The following METTL8 variants were observed in gnomAD, a reference collection of about 807,000 sequenced individuals.
METTL8 encodes methyltransferase 8, tRNA N3-cytidine.
METTL8 carries 32 observed loss-of-function variants against 48.7 expected under a neutral mutation model. That is an observed-to-expected ratio of 0.66 (90% CI 0.50 to 0.88). The LOEUF (loss-of-function observed/expected upper bound fraction) is 0.88. Ranked by LOEUF, METTL8 falls within the 40% of genes least tolerant of loss-of-function variation. The pLI, the probability that METTL8 is intolerant of heterozygous loss-of-function variation, is 0.00. For synonymous variants in METTL8, 136 were observed against 157.1 expected, an observed-to-expected ratio of 0.87 and a Z score of 1.01; for missense variants, 464 against 474.4, an observed-to-expected ratio of 0.98 and a Z score of 0.20.
chr2:171,414,048 A>G (rs925826005), intron 1 of METTL8, among the ~76,000 whole-genome samples: 3 of 152,228 alleles, frequency 2.0e-5, no homozygotes, highest in African/African-American at 7.2e-5. Flanking sequence ...GAAAAACTAC[A>G]ATACAAATAT....
chr2:171,345,330 GATT>G (rs1687162349), intron 3 of METTL8, among the ~76,000 whole-genome samples: 1 of 151,964 alleles, frequency 6.6e-6, no homozygotes, highest in African/African-American at 2.4e-5. Context: ...TATATAATAT[GATT>G]AATATGAATT....
chr2:171,358,250 C>T (rs1280433432), intron 3 of METTL8, among the ~76,000 whole-genome samples: 1 of 151,428 alleles, frequency 6.6e-6, no homozygotes. Context: ...AATCAGGAGG[C>T]TGAGACAGGA....
chr2:171,328,860 T>C (rs1685226676), intron 7 of METTL8, among the ~76,000 whole-genome samples: 1 of 151,902 alleles, frequency 6.6e-6, no homozygotes, highest in South Asian at 2.1e-4. Flanking sequence ...CAGGTGATTT[T>C]GTATTTTTGG....
At chr2:171,400,298 A>G (rs571448494) in intron 1 of METTL8, among the ~76,000 whole-genome samples, 1 of 152,254 alleles carries the variant, frequency 6.6e-6, no homozygotes, top group Non-Finnish European at 1.5e-5. Flanking sequence ...TGCTTTTTTG[A>G]ACAGCATTAT....
At chr2:171,367,212 C>G (rs1423926437) in intron 2 of METTL8, among the ~76,000 whole-genome samples, 2 of 151,850 alleles carry the variant, frequency 1.3e-5, no homozygotes, top group African/African-American at 4.8e-5. Context: ...GGAAACACAG[C>G]AAACCCCAGG....
intron 1 of METTL8, among the ~76,000 whole-genome samples, chr2:171,398,002 T>A (rs1447068934): frequency 2.0e-5 from 3 of 152,132 alleles, no homozygotes; most frequent in Admixed American, 6.6e-5. Flanking sequence ...TTGGTGAGGA[T>A]GTGGAGAAAT....
intron 3 of METTL8, among the ~76,000 whole-genome samples, chr2:171,359,676 G>T (rs1347536955): frequency 6.7e-6 from 1 of 149,584 alleles, no homozygotes; most frequent in Non-Finnish European, 1.5e-5. Context: ...ACAGTGGTGT[G>T]ATCTCGGCTC....
At chr2:171,423,821 C>A (rs1305780435) in intron 1 of METTL8, among the ~76,000 whole-genome samples, 1 of 152,188 alleles carries the variant, frequency 6.6e-6, no homozygotes, top group African/African-American at 2.4e-5. Context: ...AAGCGAGCTG[C>A]AGAAATTTGC....
At chr2:171,370,473 G>A (rs1686206828) in intron 2 of METTL8, among the ~76,000 whole-genome samples, 1 of 151,954 alleles carries the variant, frequency 6.6e-6, no homozygotes. Context: ...CTCTCCTTTG[G>A]TTTTTGTATT....
intron 3 of METTL8, among the ~76,000 whole-genome samples, chr2:171,355,286 T>G (rs1237886685): frequency 1.3e-5 from 2 of 152,158 alleles, no homozygotes; most frequent in East Asian, 3.9e-4. Flanking sequence ...GAACAGCAAA[T>G]ATTGCAGAAC....
intron 1 of METTL8, among the ~76,000 whole-genome samples, chr2:171,419,711 ACT>A (rs1691685063): frequency 6.6e-6 from 1 of 151,718 alleles, no homozygotes; most frequent in Non-Finnish European, 1.5e-5. Context: ...TTATTTTGTC[ACT>A]CTGCATTCCA....
rs62181343 is a variant in METTL8 at position 171,343,300 on chromosome 2, G to A, written c.236-3746C>T. Among the ~76,000 whole-genome samples the A allele has an allele frequency of 4.8e-3, 724 of 152,086 alleles. 3 individuals are homozygous for A. The highest frequency in any genetic ancestry group is 8.1e-3 in the Non-Finnish European group (550 of 67,948). ...ACTAAAACTACAAAATTAGCCGGGT[G>A]TGGTGGTACATGCCTGTAATCCCAG... On this transcript the variant is annotated intron_variant, in intron 3 of 9. Coordinates refer to ENST00000375258, the MANE Select transcript of METTL8 (RefSeq NM_001321154.2).
In METTL8 at chr2:171,326,245, A is replaced by G. The variant is rs184472755; in HGVS notation, c.861-97T>C. The G allele has an allele frequency of 7.5e-6, 5 of 663,342 alleles. No homozygotes were observed. In the East Asian group the frequency reaches 8.5e-5, roughly 11 times the overall value. 41.1% of individuals were successfully genotyped at this position (663,342 alleles called of 1,614,324 possible). ...TTGAAGACAAAATAAGAAAAGCTTGATAAGGCCAAAGAAATCTAAACCATA... is the reference window on the plus strand; with the variant it reads ...TTGAAGACAAAATAAGAAAAGCTTGGTAAGGCCAAAGAAATCTAAACCATA... On this transcript the variant is annotated intron_variant, in intron 7 of 9. Transcript: ENST00000375258.
intron 2 of METTL8, among the ~76,000 whole-genome samples, chr2:171,363,810 A>ATATATATATATATATATATATC (rs1160305500): frequency 2.9e-5 from 4 of 137,882 alleles, no homozygotes; most frequent in African/African-American, 1.1e-4. Context: ...ATATATATAT[A>ATATATATATATATATATATATC]TATATCTTTT....
chr2:171,325,909 GA>G lies in METTL8; in HGVS notation c.968-4del. 4.4e-6 allele frequency: 7 copies of G among 1,585,188 alleles called. No individual in the cohort carries two copies. Among genetic ancestry groups the G allele is most frequent in the South Asian group, 1.1e-5 (1 of 87,918 alleles). On this transcript the variant is annotated splice_polypyrimidine_tract_variant and splice_region_variant and intron_variant, in intron 8 of 9. Transcript: ENST00000375258. ...AAAATTTTCAGATAAACAATGTCCT[GA>G]AAAAAATTGTGAAAAGAGAAACTCT...
upstream of METTL8, chr2:171,434,628 G>A (rs780114312): frequency 2.0e-6 from 3 of 1,531,730 alleles, no homozygotes; most frequent in African/African-American, 4.2e-5. Flanking sequence ...GTCGCCGGGC[G>A]CTGGGCTGCT....
At chr2:171,391,537 C>T (rs755075755) in intron 2 of METTL8, among the ~76,000 whole-genome samples, 6 of 152,220 alleles carry the variant, frequency 3.9e-5, no homozygotes, top group Non-Finnish European at 8.8e-5. Context: ...TCACAATTTA[C>T]TGCCTTGTAG....
rs1433660509 is a variant in METTL8 at position 171,392,158 on chromosome 2, A to G, written c.28T>C (p.Ser10Pro). MNMIWRNSI[S>P]CLRLGKVPHR... ...GGCACCTTTCCTAGCCTTAGACAAG[A>G]AATGGAATTTCTCCAAATCATATTC... The change falls in exon 2 of 10, where the codon TCT becomes CCT. Residue 10 changes from serine (S) to proline (P), a missense_variant. Coordinates refer to ENST00000375258, the MANE Select transcript of METTL8 (RefSeq NM_001321154.2). 6.4e-7 allele frequency: 1 copy of G among 1,551,634 alleles called. No homozygotes were observed. The highest frequency in any genetic ancestry group is 8.7e-7 in the Non-Finnish European group (1 of 1,146,956).
intron 1 of METTL8, among the ~76,000 whole-genome samples, chr2:171,414,060 A>G (rs1691026746): frequency 6.6e-6 from 1 of 152,246 alleles, no homozygotes; most frequent in Non-Finnish European, 1.5e-5. Flanking sequence ...TACAAATATT[A>G]ATTTTTAGAA....
Sources: gnomAD v4.1 joint callset for allele counts (sites outside exome capture counted in the v4.1 genomes callset) on GRCh38, gnomAD v4.1.1 for gene constraint, MANE v1.5 for transcripts, NCBI Gene and HGNC (gene_info 2026-07-23, HGNC 2026-07-21) for gene names.